Variants in FMO4 observed in about 807,000 individuals in gnomAD.
The protein encoded by FMO4 is flavin containing dimethylaniline monoxygenase 4.
In FMO4, 38 loss-of-function variants were observed where a neutral mutation model predicts 43.3. That is an observed-to-expected ratio of 0.88 (90% CI 0.68 to 1.15). The LOEUF is 1.15. Among genes scored for constraint, FMO4 ranks in the 50% most tolerant of loss-of-function variants. The pLI is 0.00. For missense variants in FMO4, 631 were observed against 663.3 expected, an observed-to-expected ratio of 0.95 and a Z score of 0.54; for synonymous variants, 224 against 232.2, an observed-to-expected ratio of 0.96 and a Z score of 0.32.
chr1:171,338,959 G>A (rs1039231241), intron 9 of FMO4, among the ~76,000 whole-genome samples: 1 of 152,146 alleles, frequency 6.6e-6, no homozygotes, highest in Non-Finnish European at 1.5e-5. Context: ...TTGACATTGG[G>A]ACATCATGAA....
At chr1:171,320,065 C>A in intron 3 of FMO4, 108 bp downstream of exon 3, 1 of 1,170,486 alleles carries the variant, frequency 8.5e-7, no homozygotes, top group Non-Finnish European at 1.2e-6. Context: ...TGGCTTACTG[C>A]AACGGCACAA....
At chr1:171,338,330 C>T (rs1571414313) in intron 9 of FMO4, among the ~76,000 whole-genome samples, 1 of 152,154 alleles carries the variant, frequency 6.6e-6, no homozygotes, top group East Asian at 1.9e-4. Flanking sequence ...CTCTGTTCTA[C>T]AATCTAGGCT....
At chr1:171,338,573 G>A (rs578151899) in intron 9 of FMO4, among the ~76,000 whole-genome samples, 28 of 151,996 alleles carry the variant, frequency 1.8e-4, no homozygotes, top group African/African-American at 5.3e-4. Flanking sequence ...GAACCTTTAC[G>A]CTCTACTCTT....
chr1:171,329,710 T>C (rs1212105204), intron 5 of FMO4, among the ~76,000 whole-genome samples: 2 of 152,140 alleles, frequency 1.3e-5, no homozygotes, highest in African/African-American at 4.8e-5. Flanking sequence ...ATGCCACAAT[T>C]CCTGTCAATT....
At chr1:171,325,369 G>A (rs1422955125) in intron 5 of FMO4, among the ~76,000 whole-genome samples, 1 of 152,108 alleles carries the variant, frequency 6.6e-6, no homozygotes, top group African/African-American at 2.4e-5. Context: ...CTACTCTTTT[G>A]TTACATATTA....
At chr1:171,331,471 A>G (rs969759959) in intron 5 of FMO4, among the ~76,000 whole-genome samples, 169 bp from the exon 6 acceptor site, 2 of 152,194 alleles carry the variant, frequency 1.3e-5, no homozygotes, top group African/African-American at 2.4e-5. Context: ...GGCTCACAGC[A>G]TCCCAGGGAG....
chr1:171,331,629 A>C lies in FMO4; in HGVS notation c.485-11A>C. ...GACATTTCAGACTTTCTGATCCTTC[A>C]CTCCTCTCAGGAATTCATAAGTTTA... On this transcript the variant is annotated splice_polypyrimidine_tract_variant and intron_variant, in intron 5 of 9. Transcript: ENST00000367749. 1.2e-6 allele frequency: 2 copies of C among 1,612,774 alleles called. No homozygotes were observed. Among genetic ancestry groups the C allele is most frequent in the Non-Finnish European group, 1.7e-6 (2 of 1,179,060 alleles).
At chr1:171,324,838 T>C (rs986802319) in intron 5 of FMO4, among the ~76,000 whole-genome samples, 4 of 152,108 alleles carry the variant, frequency 2.6e-5, no homozygotes, top group African/African-American at 9.7e-5. Context: ...ATACAATTCT[T>C]TGGCTGGGCA....
chr1:171,328,398 C>G (rs897072942), intron 5 of FMO4, among the ~76,000 whole-genome samples: 2 of 152,052 alleles, frequency 1.3e-5, no homozygotes, highest in Admixed American at 1.3e-4. Flanking sequence ...CACCTATAAT[C>G]CCAGCACTTT....
intron 2 of FMO4, 53 bp downstream of exon 2, chr1:171,316,380 C>T (rs903527995): frequency 1.1e-4 from 16 of 152,110 alleles, no homozygotes; most frequent in Non-Finnish European, 2.1e-4. Context: ...TCTGTATGAA[C>T]TGTCTTTTCC....
At chr1:171,318,233 C>A (rs1431722118) in intron 2 of FMO4, among the ~76,000 whole-genome samples, 1 of 152,102 alleles carries the variant, frequency 6.6e-6, no homozygotes, top group Non-Finnish European at 1.5e-5. Flanking sequence ...ATAAGAATCA[C>A]TTGAACCTAG....
chr1:171,335,078 A>C (rs144711053), intron 8 of FMO4, among the ~76,000 whole-genome samples: 1 of 152,336 alleles, frequency 6.6e-6, no homozygotes, highest in Admixed American at 6.5e-5. Flanking sequence ...AAATCTTTTC[A>C]TTTAGTACTA....
Position 171,328,066 on chromosome 1 carries a change from G to A in FMO4, c.485-3574G>A, listed in dbSNP as rs1247392249. ...ATTTATTTATTTATTTTGAGACAGA[G>A]TTTTGCTCTTGTTCCCCAGGCTGGA... is the stretch of plus-strand genomic sequence containing the variant. On this transcript the variant is annotated intron_variant, in intron 5 of 9. Coordinates refer to ENST00000367749, the MANE Select transcript of FMO4 (RefSeq NM_002022.3). Among the ~76,000 whole-genome samples, 4 of 152,042 alleles carry A rather than the reference G, an allele frequency of 2.6e-5. No homozygotes were observed. The East Asian group carries it at 7.8e-4, about 29-fold the overall frequency.
chr1:171,327,451 T>TTTGG (rs1571399525), intron 5 of FMO4, among the ~76,000 whole-genome samples: 1 of 152,244 alleles, frequency 6.6e-6, no homozygotes, highest in East Asian at 1.9e-4. Flanking sequence ...GTTTTGTTTG[T>TTTGG]TTGGTTGGTT....
At position 171,331,788 on chromosome 1, in the gene FMO4, T is replaced by C. The variant is rs1662911352; in HGVS notation, c.627+6T>C. 1 of 1,613,164 alleles carries C rather than the reference T, an allele frequency of 6.2e-7. No homozygotes were observed. Among genetic ancestry groups the C allele is most frequent in the African/African-American group, 1.3e-5 (1 of 74,838 alleles). ...TCAGTCGAACGGCAGCTCAGGTACA[T>C]CATCTCTGAATTAATGCCCCTAATC... is the stretch of plus-strand genomic sequence containing the variant. On this transcript the variant is annotated splice_donor_region_variant and intron_variant, in intron 6 of 9. Transcript: ENST00000367749.
intron 5 of FMO4, among the ~76,000 whole-genome samples, chr1:171,331,031 C>T (rs1046903415): frequency 4.6e-5 from 7 of 152,154 alleles, no homozygotes; most frequent in South Asian, 2.1e-4. Context: ...ACTTCATTTA[C>T]GAAAGAACTT....
chr1:171,331,820 T>C (rs2294482), intron 6 of FMO4, 38 bp downstream of exon 6: 387,719 of 1,591,354 alleles, frequency 0.24, 51,328 homozygotes, highest in East Asian at 0.49. Flanking sequence ...AATCCCATCA[T>C]CAGTTATGAT....
chr1:171,332,072 C>T (rs1014564150), intron 6 of FMO4, among the ~76,000 whole-genome samples: 1 of 152,128 alleles, frequency 6.6e-6, no homozygotes, highest in Non-Finnish European at 1.5e-5. Context: ...GAAACAAGAC[C>T]ATATAGGCAA....
In FMO4 at chr1:171,323,774, A is replaced by C. The variant is rs376934128; in HGVS notation, c.322-364A>C. On this transcript the variant is annotated intron_variant, in intron 4 of 9. Coordinates refer to ENST00000367749, the MANE Select transcript of FMO4 (RefSeq NM_002022.3). ...AGAGAAAAAAAGAATTTTGTCCATG[A>C]AGCCCATTGGGGAAAAAAAATCTAG... Among the ~76,000 whole-genome samples the C allele has an allele frequency of 1.2e-4, 19 of 152,318 alleles. 1 individual carries two copies. The highest frequency in any genetic ancestry group is 6.5e-4 in the Admixed American group (10 of 15,294).
Sources: gnomAD v4.1 joint callset for allele counts (sites outside exome capture counted in the v4.1 genomes callset) on GRCh38, gnomAD v4.1.1 for gene constraint, MANE v1.5 for transcripts, NCBI Gene and HGNC (gene_info 2026-07-23, HGNC 2026-07-21) for gene names.